The following SLC36A1 variants were observed in gnomAD, a reference collection of about 807,000 sequenced individuals.
The protein encoded by SLC36A1 is solute carrier family 36 member 1, also known as proton-coupled amino acid transporter 1.
In SLC36A1, 30 loss-of-function variants were observed where a neutral mutation model predicts 47.5. The ratio of observed to expected loss-of-function variants is 0.63; its 90% CI spans 0.47 to 0.86. The LOEUF (loss-of-function observed/expected upper bound fraction) is 0.86. Among genes scored for constraint, SLC36A1 ranks in the 40% least tolerant of loss-of-function variants. The pLI is 0.00. For synonymous variants in SLC36A1, 255 were observed against 249.7 expected (o/e 1.02, Z -0.20); for missense variants, 517 against 606.0 (o/e 0.85, Z 1.54).
the SLC36A1 span, among the ~76,000 whole-genome samples, chr5:151,410,444 G>A: frequency 4.2e-5 from 6 of 143,832 alleles, 2 homozygotes; most frequent in Admixed American, 1.4e-4. Flanking sequence ...AGAGTTTTTT[G>A]TATTGTTTAT....
the SLC36A1 span, among the ~76,000 whole-genome samples, chr5:151,499,553 TC>T: frequency 6.6e-6 from 1 of 152,148 alleles, no homozygotes; most frequent in Non-Finnish European, 1.5e-5. Context: ...GATGTCGTTT[TC>T]CCCCCAAGGC....
chr5:151,354,486 C>G, the SLC36A1 span, among the ~76,000 whole-genome samples: 4 of 152,306 alleles, frequency 2.6e-5, no homozygotes, highest in Middle Eastern at 0.01. Flanking sequence ...TCAGCCAAGT[C>G]TTTGTACTCT....
At chr5:151,456,866 A>G (rs1316316540) in intron 1 of SLC36A1, among the ~76,000 whole-genome samples, 1 of 152,058 alleles carries the variant, frequency 6.6e-6, no homozygotes, top group Non-Finnish European at 1.5e-5. Context: ...ACCTAAGGAG[A>G]GCCTTCGGCG....
intron 10 of SLC36A1, 147 bp downstream of exon 10, chr5:151,479,636 T>C (rs551444303): frequency 1.3e-6 from 1 of 777,236 alleles, no homozygotes. Flanking sequence ...CTTTCAGAGT[T>C]GAGGCACCTC....
At chr5:151,436,118 A>G (rs7720390), upstream of SLC36A1, among the ~76,000 whole-genome samples, 33,020 of 151,996 alleles carry the variant, frequency 0.22, 3,803 homozygotes, top group African/African-American at 0.26. Flanking sequence ...TGAAATTTTT[A>G]AAGTGTAGTT....
chr5:151,522,172 C>A, the SLC36A1 span: 1 of 1,109,248 alleles, frequency 9.0e-7, no homozygotes. Flanking sequence ...TGTGGAGCTA[C>A]GTTTCTCTGC....
the SLC36A1 span, among the ~76,000 whole-genome samples, chr5:151,528,291 C>T: frequency 6.6e-6 from 1 of 152,166 alleles, no homozygotes; most frequent in Admixed American, 6.5e-5. Flanking sequence ...CACTTACATC[C>T]TCGTGTGGAC....
chr5:151,462,807 C>CT (rs1310321313), intron 2 of SLC36A1, among the ~76,000 whole-genome samples: 7 of 150,942 alleles, frequency 4.6e-5, no homozygotes, highest in Non-Finnish European at 1.0e-4. Flanking sequence ...TTTTAATTTC[C>CT]TCTGTTCTCT....
At chr5:151,465,013 CTGTCAT>C (rs1756128904) in intron 4 of SLC36A1, 55 bp from the exon 5 acceptor site, 1 of 1,361,556 alleles carries the variant, frequency 7.3e-7, no homozygotes, top group African/African-American at 1.4e-5. Context: ...TCTTTTTGTT[CTGTCAT>C]TGTCATTGTC....
chr5:151,544,633 T>C, the SLC36A1 span: 1 of 1,614,168 alleles, frequency 6.2e-7, no homozygotes, highest in South Asian at 1.1e-5. Context: ...GTTGGATTTA[T>C]TTCTCACAGT....
the SLC36A1 span, chr5:151,545,412 A>G: frequency 2.0e-5 from 32 of 1,614,052 alleles, no homozygotes; most frequent in Non-Finnish European, 2.6e-5. Context: ...TTTTGATGCT[A>G]TAATTGACTT....
the SLC36A1 span, chr5:151,521,353 A>G: frequency 1.2e-6 from 2 of 1,614,162 alleles, no homozygotes; most frequent in East Asian, 2.2e-5. Context: ...CGTGGGCCCA[A>G]CCTTGGGGTC....
chr5:151,367,361 A>ATATTTTTTT, the SLC36A1 span, among the ~76,000 whole-genome samples: 38 of 118,866 alleles, frequency 3.2e-4, no homozygotes, highest in African/African-American at 1.1e-3. Flanking sequence ...CCAGGAATGC[A>ATATTTTTTT]TTTTTTTTTT....
chr5:151,495,128 A>G (rs751136024), downstream of SLC36A1, among the ~76,000 whole-genome samples: 41 of 152,230 alleles, frequency 2.7e-4, no homozygotes, highest in Non-Finnish European at 5.9e-4. Flanking sequence ...CAGTTGCTCC[A>G]TATCTTCACC....
the SLC36A1 span, among the ~76,000 whole-genome samples, chr5:151,385,001 A>T: frequency 9.9e-6 from 1 of 100,938 alleles, no homozygotes; most frequent in Admixed American, 8.6e-5. Flanking sequence ...TGTGAGAGAG[A>T]GAGAGAGAGT....
rs1452164083 is a variant in SLC36A1, at chr5:151,488,507, T to G, written c.*253T>G. On this transcript the variant is annotated 3_prime_UTR_variant, in exon 11 of 11. Coordinates refer to ENST00000243389, the MANE Select transcript of SLC36A1 (RefSeq NM_078483.4). ...CTGTACCTATTTACACCCAGAACTTTCCAGCTCCCCCTCATCATGCCTCCT... is the reference window on the plus strand; with the variant it reads ...CTGTACCTATTTACACCCAGAACTTGCCAGCTCCCCCTCATCATGCCTCCT... 4 of 512,402 alleles carry G rather than the reference T, an allele frequency of 7.8e-6. No individual in the cohort carries two copies. The highest frequency in any genetic ancestry group is 3.4e-5 in the Admixed American group (1 of 29,002). 31.7% of individuals were successfully genotyped at this position (512,402 alleles called of 1,614,324 possible).
chr5:151,473,953 A>G (rs557840052), intron 8 of SLC36A1, among the ~76,000 whole-genome samples, 182 bp downstream of exon 8: 2 of 151,944 alleles, frequency 1.3e-5, no homozygotes, highest in African/African-American at 4.8e-5. Context: ...TGAGGTCAGG[A>G]GTTCGAAACC....
chr5:151,393,731 C>T, the SLC36A1 span, among the ~76,000 whole-genome samples: 2 of 152,008 alleles, frequency 1.3e-5, no homozygotes, highest in Admixed American at 1.3e-4. Context: ...AATATTGGCC[C>T]CCACTCTCTT....
chr5:151,553,533 G>C, the SLC36A1 span: 1 of 732,812 alleles, frequency 1.4e-6, no homozygotes, highest in Non-Finnish European at 2.3e-6. Context: ...ATACTTGAAG[G>C]CTTGCTGTAA....
Sources: allele counts gnomAD v4.1 joint callset (sites outside exome capture counted in the v4.1 genomes callset), GRCh38; gene constraint gnomAD v4.1.1; transcripts MANE v1.5; gene names NCBI Gene and HGNC (gene_info 2026-07-23, HGNC 2026-07-21).